NRG3: variants seen among roughly 807,000 people sequenced by gnomAD.
NRG3 encodes the protein pro-neuregulin-3, membrane-bound isoform.
In NRG3, 31 loss-of-function variants were observed where a neutral mutation model predicts 66.9. That is an observed-to-expected ratio of 0.46 (90% CI 0.35 to 0.63). NRG3 has a LOEUF of 0.63. Among genes scored for constraint, NRG3 ranks in the 20% least tolerant of loss-of-function variants. NRG3 has a pLI of 0.00. For missense variants in NRG3, 910 were observed against 878.9 expected, an observed-to-expected ratio of 1.04 and a Z score of -0.45; for synonymous variants, 393 against 359.4, an observed-to-expected ratio of 1.09 and a Z score of -1.06.
At chr10:81,880,341 A>T (rs1394839206) in intron 1 of NRG3, among the ~76,000 whole-genome samples, 1 of 152,146 alleles carries the variant, frequency 6.6e-6, no homozygotes, top group Non-Finnish European at 1.5e-5. Context: ...TCCCTTCTGC[A>T]GGATTAATTT....
intron 1 of NRG3, among the ~76,000 whole-genome samples, chr10:82,195,653 T>G (rs2074409207): frequency 6.6e-6 from 1 of 152,188 alleles, no homozygotes; most frequent in Non-Finnish European, 1.5e-5. Flanking sequence ...TGTGAATATG[T>G]TATTTGACAT....
At chr10:81,990,876 A>G (rs1161747341) in intron 1 of NRG3, among the ~76,000 whole-genome samples, 1 of 152,162 alleles carries the variant, frequency 6.6e-6, no homozygotes, top group African/African-American at 2.4e-5. Context: ...TAAACCTAGT[A>G]TTTTCTACCT....
intron 1 of NRG3, among the ~76,000 whole-genome samples, chr10:82,057,073 G>C (rs1382778552): frequency 6.6e-6 from 1 of 151,884 alleles, no homozygotes; most frequent in African/African-American, 2.4e-5. Flanking sequence ...ACTTTATACT[G>C]CTTGTTGGAT....
chr10:82,931,489 T>C (rs1847572275), intron 4 of NRG3, among the ~76,000 whole-genome samples: 1 of 152,162 alleles, frequency 6.6e-6, no homozygotes, highest in Non-Finnish European at 1.5e-5. Flanking sequence ...AAGAAGTTAA[T>C]TATATGTTCC....
At chr10:82,140,683 G>A (rs1555238) in intron 1 of NRG3, among the ~76,000 whole-genome samples, 2,609 of 151,970 alleles carry the variant, frequency 0.017, 82 homozygotes, top group African/African-American at 0.059. Context: ...AGTGAACTCT[G>A]ATTACTATTT....
intron 2 of NRG3, among the ~76,000 whole-genome samples, chr10:82,676,514 C>A (rs754120737): frequency 6.6e-6 from 1 of 151,998 alleles, no homozygotes; most frequent in Non-Finnish European, 1.5e-5. Flanking sequence ...GATGGAGTCT[C>A]ACTCTGTCAC....
chr10:82,956,214 T>C (rs1850034916), intron 5 of NRG3, among the ~76,000 whole-genome samples: 2 of 152,130 alleles, frequency 1.3e-5, no homozygotes, highest in African/African-American at 4.8e-5. Context: ...TCTAATGCAT[T>C]GGACCAGAGA....
In NRG3 at chr10:82,328,283, G is replaced by A. The variant is rs144689763; in HGVS notation, c.824-30456G>A. Among the ~76,000 whole-genome samples, 608 of 152,312 alleles carry A rather than the reference G, an allele frequency of 4.0e-3. 5 individuals are homozygous for A. The highest frequency in any genetic ancestry group is 0.014 in the African/African-American group (582 of 41,570). On this transcript the variant is annotated intron_variant, in intron 1 of 8. Coordinates refer to ENST00000372141, the MANE Select transcript of NRG3 (RefSeq NM_001010848.4). ...AGGGTCTTGTTTGGATATTTGTTAT[G>A]TGTGTGTCTTCAAAGTGTGAGACCT...
intron 1 of NRG3, among the ~76,000 whole-genome samples, chr10:81,998,657 G>A (rs776934581): frequency 7.2e-5 from 11 of 152,212 alleles, no homozygotes; most frequent in South Asian, 4.1e-4. Flanking sequence ...ATAAAACAAC[G>A]TGTGTGATAG....
chr10:82,149,141 A>G (rs1276681899), intron 1 of NRG3, among the ~76,000 whole-genome samples: 1 of 152,062 alleles, frequency 6.6e-6, no homozygotes, highest in Non-Finnish European at 1.5e-5. Context: ...AGTTGCCTAG[A>G]TTTGACCCCA....
At chr10:82,362,983 C>G (rs2084285761) in intron 2 of NRG3, among the ~76,000 whole-genome samples, 1 of 152,182 alleles carries the variant, frequency 6.6e-6, no homozygotes, top group East Asian at 1.9e-4. Flanking sequence ...TTGTAAGGAC[C>G]TTGTGAGCAA....
chr10:82,198,866 A>T (rs903411729), intron 1 of NRG3, among the ~76,000 whole-genome samples: 5 of 151,962 alleles, frequency 3.3e-5, no homozygotes, highest in Admixed American at 6.6e-5. Context: ...GTGTGGTGGC[A>T]CACATCTGTA....
chr10:82,461,182 CATCACCACCACA>C (rs1353000896), intron 2 of NRG3, among the ~76,000 whole-genome samples: 13 of 151,932 alleles, frequency 8.6e-5, no homozygotes, highest in Non-Finnish European at 1.5e-4. Context: ...TCATCAACAC[CATCACCACCACA>C]ATCACCACCA....
At chr10:82,175,881 G>T (rs1442160702) in intron 1 of NRG3, among the ~76,000 whole-genome samples, 1 of 152,080 alleles carries the variant, frequency 6.6e-6, no homozygotes, top group Non-Finnish European at 1.5e-5. Flanking sequence ...CATTTCATTT[G>T]ATTTCTACAG....
intron 2 of NRG3, among the ~76,000 whole-genome samples, chr10:82,529,638 A>G (rs890819446): frequency 6.6e-6 from 1 of 152,192 alleles, no homozygotes; most frequent in Admixed American, 6.5e-5. Context: ...ATAAACATGT[A>G]CTTGAGCAAA....
chr10:82,897,453 G>A (rs904421113), intron 4 of NRG3, among the ~76,000 whole-genome samples: 2 of 152,014 alleles, frequency 1.3e-5, no homozygotes, highest in Non-Finnish European at 2.9e-5. Flanking sequence ...CAAACCCAAG[G>A]CTTCTTTTTT....
chr10:82,028,439 G>T (rs1354602541), intron 1 of NRG3, among the ~76,000 whole-genome samples: 1 of 152,006 alleles, frequency 6.6e-6, no homozygotes, highest in African/African-American at 2.4e-5. Flanking sequence ...TAAACTTAAA[G>T]TTCTTATTGC....
chr10:82,449,236 G>T (rs768582930), intron 2 of NRG3, among the ~76,000 whole-genome samples: 6 of 152,184 alleles, frequency 3.9e-5, no homozygotes, highest in Non-Finnish European at 8.8e-5. Flanking sequence ...AGTAGAGGAA[G>T]TTTTCTCAGA....
At chr10:82,633,117 AG>A (rs566834470) in intron 2 of NRG3, among the ~76,000 whole-genome samples, 17 of 152,308 alleles carry the variant, frequency 1.1e-4, no homozygotes, top group African/African-American at 3.4e-4. Flanking sequence ...AGAAATGAAG[AG>A]GTCTGGGTAA....
Sources: allele counts gnomAD v4.1 joint callset (sites outside exome capture counted in the v4.1 genomes callset), GRCh38; gene constraint gnomAD v4.1.1; transcripts MANE v1.5; gene names NCBI Gene and HGNC (gene_info 2026-07-23, HGNC 2026-07-21).